SYNJ2: variants seen among roughly 807,000 people sequenced by gnomAD.
SYNJ2 encodes the protein synaptojanin 2.
In SYNJ2, 116 loss-of-function variants were observed where a neutral mutation model predicts 141.3. The observed-to-expected ratio is 0.82, with a 90% CI of 0.71 to 0.96. SYNJ2 has a LOEUF of 0.96. SYNJ2 is among the 40% of genes least tolerant of loss of function. SYNJ2 has a pLI of 0.00. For synonymous variants in SYNJ2, 745 were observed against 777.7 expected, an observed-to-expected ratio of 0.96 and a Z score of 0.70; for missense variants, 1,873 against 1,934.8, an observed-to-expected ratio of 0.97 and a Z score of 0.60.
chr6:158,017,002 G>A (rs775066897), intron 1 of SYNJ2: 241 of 1,275,262 alleles, frequency 1.9e-4, no homozygotes, highest in Non-Finnish European at 2.3e-4. Flanking sequence ...AGAGCAAGCT[G>A]TTGGTGGGAA....
In SYNJ2 at chr6:158,096,094, T is replaced by C. The variant is rs1442016583; in HGVS notation, c.4221T>C (p.Leu1407=). ...CGATGAAGCCAGAGGCAGCCCCACT[T>C]CTTGGTGATTATCAGGACCCCTTCT... is the stretch of plus-strand genomic sequence containing the variant. ...TKAMKPEAAP[L]LGDYQDPFWN... The change falls in exon 27 of 27, where the codon CTT becomes CTC. Residue 1407 remains leucine, a synonymous_variant. Transcript: ENST00000355585. 1.2e-6 allele frequency: 2 copies of C among 1,614,228 alleles called. No homozygotes were observed. The highest frequency in any genetic ancestry group is 2.2e-5 in the East Asian group (1 of 44,888).
Position 158,071,876 on chromosome 6 carries a change from G to A in SYNJ2, c.2133+82G>A, listed in dbSNP as rs1333467574. 13 of 1,486,046 alleles carry A rather than the reference G, an allele frequency of 8.7e-6. No individual in the cohort carries two copies. The African/African-American group carries it at 9.7e-5, about 11-fold the overall frequency. 92.1% of individuals were successfully genotyped at this position (1,486,046 alleles called of 1,614,324 possible). A position where few individuals can be genotyped will look rare whatever the true frequency, so the allele number is the denominator to read the frequency against. ...GACTGTTGATAGGAGCCAGGCACTG[G>A]GGACACAACCACAGGGAGGGCCCCT... is the stretch of plus-strand genomic sequence containing the variant. On this transcript the variant is annotated intron_variant, in intron 15 of 26. Transcript: ENST00000355585. This position sits in a 1 kb window ranked among gnomAD's most constrained non-coding sequence, Gnocchi z 4.3.
rs567378320 is a variant in SYNJ2 at position 158,043,564 on chromosome 6, G to T, written c.795+165G>T. 1.7e-4 allele frequency among the ~76,000 whole-genome samples: 26 copies of T among 152,288 alleles called. 1 individual carries two copies. Among genetic ancestry groups the T allele is most frequent in the Non-Finnish European group, 1.0e-4 (7 of 68,028 alleles). ...AGCTGAGCTATCAAAGTGTGCACACGTGTGTGCATATGCATGCGTGCGTGT... is the reference window on the plus strand; with the variant it reads ...AGCTGAGCTATCAAAGTGTGCACACTTGTGTGCATATGCATGCGTGCGTGT... On this transcript the variant is annotated intron_variant, in intron 5 of 26. Coordinates refer to ENST00000355585, the MANE Select transcript of SYNJ2 (RefSeq NM_003898.4). The surrounding 1 kb of genome is among the most constrained non-coding windows in gnomAD (Gnocchi z 4.0).
rs760287336 is a variant in SYNJ2 at position 158,095,685 on chromosome 6, G to T, written c.3812G>T (p.Ser1271Ile). 1.2e-6 allele frequency: 2 copies of T among 1,614,022 alleles called. No homozygotes were observed. Among genetic ancestry groups the T allele is most frequent in the Non-Finnish European group, 1.7e-6 (2 of 1,179,978 alleles). Residue 1271 changes from serine to isoleucine, a missense_variant, in exon 27 of 27, where the codon AGC (serine) becomes ATC (isoleucine). Transcript: ENST00000355585. ...TTTACAATCGGGCCCCCGGAGACAAGCGTTGAGGCCCCTCCTGTCGTGACA... is the reference window on the plus strand; with the variant it reads ...TTTACAATCGGGCCCCCGGAGACAATCGTTGAGGCCCCTCCTGTCGTGACA... The part of the protein sequence containing the change: ...VHFTIGPPET[S>I]VEAPPVVTAP...
At chr6:157,985,780 C>G (rs772094475) in intron 1 of SYNJ2, among the ~76,000 whole-genome samples, 6 of 152,210 alleles carry the variant, frequency 3.9e-5, no homozygotes, top group African/African-American at 7.2e-5. Flanking sequence ...GTCGTGCCTC[C>G]TGCCGCCCAG....
chr6:158,083,887 T>TGC, intron 21 of SYNJ2, 114 bp from the exon 22 acceptor site: 1 of 1,256,446 alleles, frequency 8.0e-7, no homozygotes. Flanking sequence ...GGCCCTGAGC[T>TGC]GCAGGGCAGG....
Position 158,027,336 on chromosome 6 carries a change from T to G in SYNJ2, c.215-1420T>G. On this transcript the variant is annotated intron_variant, in intron 2 of 26. Transcript: ENST00000355585. This position sits in a 1 kb window ranked among gnomAD's most constrained non-coding sequence, Gnocchi z 4.6. The stretch of plus-strand genomic sequence containing the variant: ...TCAGACCTCAGCGGGGTGGGAAGAG[T>G]GTCCTTGGGACTAGAGCCCTGCCAG... 4.3e-6 allele frequency: 2 copies of G among 461,794 alleles called. No homozygotes were observed. The highest frequency in any genetic ancestry group is 5.7e-6 in the Non-Finnish European group (2 of 351,900). 28.6% of individuals were successfully genotyped at this position (461,794 alleles called of 1,614,324 possible). A position where few individuals can be genotyped will look rare whatever the true frequency, so the allele number is the denominator to read the frequency against.
At chr6:158,067,839 C>T (rs1033699228) in intron 12 of SYNJ2, 2 of 985,148 alleles carry the variant, frequency 2.0e-6, no homozygotes, top group African/African-American at 3.5e-5. Context: ...TGTGGTGCCT[C>T]CAGAAGCCAT....
intron 1 of SYNJ2, among the ~76,000 whole-genome samples, chr6:158,009,502 A>G (rs1778187899): frequency 6.6e-6 from 1 of 152,230 alleles, no homozygotes; most frequent in East Asian, 1.9e-4. Context: ...CGGCGGCTAA[A>G]AATCTGGCAA....
chr6:158,063,790 G>T lies in SYNJ2; in HGVS notation c.1128-1G>T, dbSNP rs1399459789. 6.3e-7 allele frequency: 1 copy of T among 1,593,936 alleles called. No homozygotes were observed. Among genetic ancestry groups the T allele is most frequent in the South Asian group, 1.1e-5 (1 of 90,824 alleles). On this transcript the variant is annotated splice_acceptor_variant, in intron 8 of 26. Transcript: ENST00000355585. LOFTEE classifies it high-confidence loss of function. ...CCGTTTACATTTCTTCTTGTCCTAAGTTTTCAGAAAGGCACTTTGCGGATG... is the reference window on the plus strand; with the variant it reads ...CCGTTTACATTTCTTCTTGTCCTAATTTTTCAGAAAGGCACTTTGCGGATG...
chr6:158,072,319 C>T (rs1156846334), intron 15 of SYNJ2, among the ~76,000 whole-genome samples: 1 of 152,226 alleles, frequency 6.6e-6, no homozygotes, highest in Non-Finnish European at 1.5e-5. Context: ...GCTGCAATAG[C>T]GAACCGCACA....
At position 158,084,905 on chromosome 6, in the gene SYNJ2, A is replaced by G. The variant is rs369360212; in HGVS notation, c.3208+731A>G. Among the ~76,000 whole-genome samples, 25 of 151,964 alleles carry G rather than the reference A, an allele frequency of 1.6e-4. No individual in the cohort carries two copies. The highest frequency in any genetic ancestry group is 5.8e-4 in the African/African-American group (24 of 41,326). On this transcript the variant is annotated intron_variant, in intron 22 of 26. Transcript: ENST00000355585. The surrounding 1 kb of genome is among the most constrained non-coding windows in gnomAD (Gnocchi z 5.0). ...GTTGCTGGCGTATGGTCACACTCAT[A>G]TAATATCATATTATTATACAGTCAT...
intron 15 of SYNJ2, 26 bp from the exon 16 acceptor site, chr6:158,074,554 T>C (rs758870337): frequency 2.5e-6 from 4 of 1,604,142 alleles, no homozygotes; most frequent in Non-Finnish European, 3.4e-6. Context: ...ATGGGCTGAA[T>C]GATTATGATT....
chr6:157,988,138 C>T (rs762065821), intron 1 of SYNJ2, among the ~76,000 whole-genome samples: 2 of 152,274 alleles, frequency 1.3e-5, no homozygotes, highest in South Asian at 2.1e-4. Flanking sequence ...CTCAGGCAGA[C>T]TGTGCAGCCG....
In SYNJ2 at chr6:158,064,821, G is replaced by A. The variant is rs772836580; in HGVS notation, c.1360-5G>A. ...CTCACGGCCTGCGGTCTGGGCTCTCGGCAGGTGGGGAAGCTGAAGGATGGA... is the reference window on the plus strand; with the variant it reads ...CTCACGGCCTGCGGTCTGGGCTCTCAGCAGGTGGGGAAGCTGAAGGATGGA... On this transcript the variant is annotated splice_polypyrimidine_tract_variant and splice_region_variant and intron_variant, in intron 10 of 26. Coordinates refer to ENST00000355585, the MANE Select transcript of SYNJ2 (RefSeq NM_003898.4). 1.2e-5 allele frequency: 20 copies of A among 1,608,422 alleles called. No individual in the cohort carries two copies. Among genetic ancestry groups the A allele is most frequent in the African/African-American group, 4.0e-5 (3 of 74,888 alleles).
chr6:158,063,949 C>T (rs1330360037), intron 9 of SYNJ2, 77 bp downstream of exon 9: 11 of 1,485,916 alleles, frequency 7.4e-6, no homozygotes, highest in Middle Eastern at 3.5e-4. Context: ...GGCTGAGCAC[C>T]TTTAGCGGCA....
intron 15 of SYNJ2, among the ~76,000 whole-genome samples, chr6:158,072,195 T>G (rs1217827739): frequency 6.6e-6 from 1 of 152,206 alleles, no homozygotes; most frequent in Non-Finnish European, 1.5e-5. Context: ...ATTCACAGTC[T>G]TCACATGTAC....
chr6:158,086,615 GTC>G (rs1337439537), intron 22 of SYNJ2, among the ~76,000 whole-genome samples: 4 of 152,204 alleles, frequency 2.6e-5, no homozygotes, highest in East Asian at 3.9e-4. Flanking sequence ...ATAGCTCAGT[GTC>G]TCTCAAGTCT....
chr6:158,063,206 A>G (rs994495124), intron 8 of SYNJ2, among the ~76,000 whole-genome samples: 1 of 152,172 alleles, frequency 6.6e-6, no homozygotes, highest in African/African-American at 2.4e-5. Flanking sequence ...ACAACTTTAT[A>G]GAACATAATT....
Sources: allele counts gnomAD v4.1 joint callset (sites outside exome capture counted in the v4.1 genomes callset), GRCh38; gene constraint gnomAD v4.1.1; non-coding constraint Gnocchi (gnomAD v3.1); transcripts MANE v1.5; gene names NCBI Gene and HGNC (gene_info 2026-07-23, HGNC 2026-07-21).